Variants in NSMCE2 observed in about 807,000 individuals in gnomAD.
The protein encoded by NSMCE2 is E3 SUMO-protein ligase NSE2.
A neutral mutation model predicts 23.8 loss-of-function variants in NSMCE2; 24 were observed. That is an observed-to-expected ratio of 1.01 (90% CI 0.73 to 1.42). NSMCE2 has a LOEUF of 1.42. NSMCE2 is among the 40% of genes most tolerant of loss of function. The probability of loss-of-function intolerance (pLI) is 0.00; values close to 1 mark genes in which losing one functional copy is unlikely to be tolerated. For synonymous variants in NSMCE2, 92 were observed against 94.1 expected, an observed-to-expected ratio of 0.98 and a Z score of 0.13; for missense variants, 284 against 296.5, an observed-to-expected ratio of 0.96 and a Z score of 0.31.
intron 5 of NSMCE2, among the ~76,000 whole-genome samples, chr8:125,299,862 A>C (rs945942235): frequency 8.4e-6 from 1 of 118,582 alleles, no homozygotes; most frequent in Non-Finnish European, 1.6e-5. Context: ...TCTGTCACTC[A>C]GGCTGGAGTG....
chr8:125,276,854 T>C (rs930666775), intron 5 of NSMCE2, among the ~76,000 whole-genome samples: 7 of 152,222 alleles, frequency 4.6e-5, no homozygotes, highest in African/African-American at 1.7e-4. Flanking sequence ...AAATGCCATC[T>C]CTTCTGGAAA....
chr8:125,291,504 A>G (rs1828103711), intron 5 of NSMCE2, among the ~76,000 whole-genome samples: 1 of 152,190 alleles, frequency 6.6e-6, no homozygotes, highest in African/African-American at 2.4e-5. Flanking sequence ...GGAGATATAC[A>G]TTGGCCAACT....
At chr8:125,237,513 A>G (rs1371561205) in intron 5 of NSMCE2, among the ~76,000 whole-genome samples, 2 of 152,198 alleles carry the variant, frequency 1.3e-5, no homozygotes, top group African/African-American at 4.8e-5. Context: ...ATCCTACATA[A>G]TTAACTCCAC....
intron 5 of NSMCE2, among the ~76,000 whole-genome samples, chr8:125,187,770 G>C (rs1823170883): frequency 6.6e-6 from 1 of 151,996 alleles, no homozygotes; most frequent in Admixed American, 6.6e-5. Flanking sequence ...TTTGCTTTAT[G>C]TTCAAAAACA....
chr8:125,257,058 C>G (rs1826464228), intron 5 of NSMCE2, among the ~76,000 whole-genome samples: 1 of 148,466 alleles, frequency 6.7e-6, no homozygotes, highest in Non-Finnish European at 1.5e-5. Context: ...CCTAAGCGGG[C>G]AGATCACTTG....
chr8:125,323,446 A>G (rs1229109740), intron 5 of NSMCE2, among the ~76,000 whole-genome samples: 2 of 152,232 alleles, frequency 1.3e-5, no homozygotes, highest in Non-Finnish European at 2.9e-5. Flanking sequence ...AAGATGGACA[A>G]CAGTTAAATA....
chr8:125,217,359 A>ATTTT (rs72476060), intron 5 of NSMCE2, among the ~76,000 whole-genome samples: 2 of 150,314 alleles, frequency 1.3e-5, no homozygotes, highest in African/African-American at 5.0e-5. Flanking sequence ...TTATTTATTT[A>ATTTT]TTTTTTATTT....
At chr8:125,314,607 A>G (rs1829102520) in intron 5 of NSMCE2, among the ~76,000 whole-genome samples, 1 of 152,202 alleles carries the variant, frequency 6.6e-6, no homozygotes, top group African/African-American at 2.4e-5. Context: ...GCATTTTTAG[A>G]CACTCGATCA....
At chr8:125,101,335 C>T (rs1031047899) in intron 1 of NSMCE2, among the ~76,000 whole-genome samples, 1 of 152,180 alleles carries the variant, frequency 6.6e-6, no homozygotes, top group Non-Finnish European at 1.5e-5. Flanking sequence ...CAGTTCCCCA[C>T]TTAGGAAGGG....
rs77436905 is a variant in NSMCE2 at position 125,312,930 on chromosome 8, A to G, written c.419-44289A>G. Among the ~76,000 whole-genome samples the G allele has an allele frequency of 4.3e-3, 657 of 152,238 alleles. 6 individuals are homozygous for G. Among genetic ancestry groups the G allele is most frequent in the African/African-American group, 0.015 (635 of 41,528 alleles). ...GAGAGCACAGAGAAGAACTCAGCAA[A>G]TACACAGAAAGCACATATCACATGC... On this transcript the variant is annotated intron_variant, in intron 5 of 7. Transcript: ENST00000287437.
chr8:125,141,598 A>G (rs1820376798), intron 3 of NSMCE2, among the ~76,000 whole-genome samples: 1 of 152,220 alleles, frequency 6.6e-6, no homozygotes, highest in African/African-American at 2.4e-5. Context: ...CCTGGCACAG[A>G]CTCAGTGCTC....
At chr8:125,229,072 A>G (rs1240454220) in intron 5 of NSMCE2, among the ~76,000 whole-genome samples, 3 of 152,200 alleles carry the variant, frequency 2.0e-5, no homozygotes, top group Admixed American at 1.3e-4. Context: ...CAGTGCTAGC[A>G]TATGATTAAT....
chr8:125,149,832 G>A (rs1820897767), intron 3 of NSMCE2, among the ~76,000 whole-genome samples: 2 of 152,096 alleles, frequency 1.3e-5, no homozygotes, highest in South Asian at 4.1e-4. Context: ...GTGTATTATA[G>A]GTATGTAAGG....
chr8:125,362,889 TTC>T (rs1265898568), intron 7 of NSMCE2: 3 of 152,330 alleles, frequency 2.0e-5, no homozygotes, highest in African/African-American at 7.2e-5. Flanking sequence ...CCATCAGACA[TTC>T]TCAGCATGCT....
intron 5 of NSMCE2, among the ~76,000 whole-genome samples, chr8:125,248,740 C>G (rs969992374): frequency 6.6e-6 from 1 of 152,132 alleles, no homozygotes; most frequent in Non-Finnish European, 1.5e-5. Context: ...TAACATTTTT[C>G]AAGTGTATTC....
intron 5 of NSMCE2, among the ~76,000 whole-genome samples, chr8:125,196,410 G>A (rs1195438566): frequency 6.6e-6 from 1 of 152,012 alleles, no homozygotes; most frequent in Non-Finnish European, 1.5e-5. Flanking sequence ...GTGTCCAAGT[G>A]TTCTCATTGC....
intron 5 of NSMCE2, among the ~76,000 whole-genome samples, chr8:125,292,236 G>GAAGAAGAAGAAAA (rs1278127569): frequency 6.6e-6 from 1 of 151,722 alleles, no homozygotes. Flanking sequence ...AAAAAAAGGA[G>GAAGAAGAAGAAAA]AAGAAGAAGA....
chr8:125,200,915 A>G (rs1023956665), intron 5 of NSMCE2, among the ~76,000 whole-genome samples: 6 of 152,000 alleles, frequency 3.9e-5, no homozygotes, highest in Non-Finnish European at 7.4e-5. Flanking sequence ...TATTTCATTA[A>G]TTTGATCTTC....
At chr8:125,267,000 T>TTGC in intron 5 of NSMCE2, among the ~76,000 whole-genome samples, 1 of 105,560 alleles carries the variant, frequency 9.5e-6, no homozygotes, top group African/African-American at 2.8e-5. Flanking sequence ...TTCTTTTTTC[T>TTGC]TTCTTTTTTT....
Sources: gnomAD v4.1 joint callset for allele counts (sites outside exome capture counted in the v4.1 genomes callset) on GRCh38, gnomAD v4.1.1 for gene constraint, MANE v1.5 for transcripts, NCBI Gene and HGNC (gene_info 2026-07-23, HGNC 2026-07-21) for gene names.